PCDHA4: variants seen among roughly 807,000 people sequenced by gnomAD.
PCDHA4 encodes the protein protocadherin alpha 4.
In PCDHA4, 49 loss-of-function variants were observed where a neutral mutation model predicts 61.4. The observed-to-expected ratio is 0.80, with a 90% confidence interval of 0.63 to 1.01. The LOEUF (loss-of-function observed/expected upper bound fraction) is 1.01, where lower values mean the gene tolerates loss of function less well. Ranked by LOEUF, PCDHA4 falls within the 50% of genes least tolerant of loss-of-function variation. The pLI, the probability that PCDHA4 is intolerant of heterozygous loss-of-function variation, is 0.00. For synonymous variants in PCDHA4, 590 were observed against 550.3 expected, an observed-to-expected ratio of 1.07 and a Z score of -1.01; for missense variants, 1,254 against 1,235.8, an observed-to-expected ratio of 1.01 and a Z score of -0.22.
chr5:140,935,051 C>T (rs1554210307), intron 1 of PCDHA4, among the ~76,000 whole-genome samples: 1 of 152,096 alleles, frequency 6.6e-6, no homozygotes, highest in African/African-American at 2.4e-5. Context: ...TCTGGTATTA[C>T]AAGATGTTCA....
chr5:140,834,823 C>T, intron 1 of PCDHA4: 1 of 1,612,142 alleles, frequency 6.2e-7, no homozygotes, highest in South Asian at 1.1e-5. Flanking sequence ...GAATCCAGGC[C>T]GCTTGACTCT....
At chr5:140,883,913 G>T (rs782585121) in intron 1 of PCDHA4, 1 of 1,613,478 alleles carries the variant, frequency 6.2e-7, no homozygotes, top group South Asian at 1.1e-5. Context: ...GGGCAGCAAC[G>T]TGACGCTGCA....
At chr5:140,851,069 A>T in intron 1 of PCDHA4, 1 of 1,353,390 alleles carries the variant, frequency 7.4e-7, no homozygotes, top group Non-Finnish European at 9.7e-7. Flanking sequence ...TCTAGTGAGA[A>T]TTATAAACTG....
At chr5:140,821,890 A>G in intron 1 of PCDHA4, 7 of 1,614,240 alleles carry the variant, frequency 4.3e-6, no homozygotes, top group Non-Finnish European at 5.9e-6. Context: ...GGAGGAAGCC[A>G]AACACGGAAC....
chr5:140,998,681 C>G (rs978884535), intron 3 of PCDHA4, among the ~76,000 whole-genome samples: 42 of 152,038 alleles, frequency 2.8e-4, no homozygotes, highest in Non-Finnish European at 1.6e-4. Context: ...TCTCCTGCCT[C>G]AGCCTCCCAA....
At chr5:140,822,972 C>T (rs149152981) in intron 1 of PCDHA4, 333 of 1,614,132 alleles carry the variant, frequency 2.1e-4, no homozygotes, top group Non-Finnish European at 2.6e-4. Context: ...TGGTGTCCAC[C>T]TTCAAGAATT....
chr5:140,918,321 T>C (rs1175303192), intron 1 of PCDHA4, among the ~76,000 whole-genome samples: 2 of 152,054 alleles, frequency 1.3e-5, no homozygotes, highest in Non-Finnish European at 2.9e-5. Flanking sequence ...GGTATAAAAT[T>C]ATATTGTCTG....
chr5:140,856,653 A>G (rs2044134498), intron 1 of PCDHA4: 1 of 1,598,162 alleles, frequency 6.3e-7, no homozygotes, highest in Admixed American at 1.7e-5. Flanking sequence ...CTGGATCGTG[A>G]AGAAAATCCT....
chr5:140,927,611 C>T, intron 1 of PCDHA4: 1 of 1,614,164 alleles, frequency 6.2e-7, no homozygotes, highest in Admixed American at 1.7e-5. Context: ...GTATACCGCA[C>T]CAAGGTTCCA....
At chr5:141,000,395 CTATATATA>C (rs1190667031) in intron 3 of PCDHA4, among the ~76,000 whole-genome samples, 7 of 53,980 alleles carry the variant, frequency 1.3e-4, no homozygotes, top group South Asian at 8.9e-4. Flanking sequence ...CTCTCTCTCT[CTATATATA>C]TATATATATA....
chr5:140,836,895 A>G (rs1339036250), intron 1 of PCDHA4: 1 of 615,448 alleles, frequency 1.6e-6, no homozygotes, highest in African/African-American at 1.9e-5. Context: ...ATTTGGAAGT[A>G]CGTTTAATAT....
intron 1 of PCDHA4, chr5:140,830,111 C>T: frequency 1.2e-6 from 2 of 1,613,576 alleles, no homozygotes; most frequent in Non-Finnish European, 1.7e-6. Context: ...GGAGAGTGGC[C>T]AGGCTCCAAA....
intron 1 of PCDHA4, chr5:140,842,828 T>C (rs2150345538): frequency 1.9e-6 from 3 of 1,593,634 alleles, no homozygotes; most frequent in South Asian, 1.1e-5. Context: ...GGGCGAGCGC[T>C]CGCTGTCGAG....
intron 3 of PCDHA4, among the ~76,000 whole-genome samples, chr5:140,999,630 A>G (rs2097866462): frequency 1.3e-5 from 2 of 152,210 alleles, no homozygotes; most frequent in Non-Finnish European, 2.9e-5. Context: ...GAAACAAGGT[A>G]GAGAAAACTG....
At position 140,870,363 on chromosome 5, in the gene PCDHA4, T is replaced by C. The variant is rs782093088; in HGVS notation, c.2385+60791T>C. 1.9e-6 allele frequency: 3 copies of C among 1,614,206 alleles called. No homozygotes were observed. The South Asian group carries it at 3.3e-5, about 18-fold the overall frequency. On this transcript the variant is annotated intron_variant, in intron 1 of 3. Transcript: ENST00000530339. ...TGGACCGCGAGAACGTGTGGGCCTA[T>C]GAACTGGTGGTGACTGCGCGGGATG...
intron 1 of PCDHA4, among the ~76,000 whole-genome samples, chr5:140,917,533 T>C (rs1584058253): frequency 6.6e-6 from 1 of 152,346 alleles, no homozygotes; most frequent in East Asian, 1.9e-4. Context: ...GTTTGTATAG[T>C]TTTAGGTTTT....
At chr5:140,852,880 A>C in intron 1 of PCDHA4, 1 of 943,656 alleles carries the variant, frequency 1.1e-6, no homozygotes, top group Non-Finnish European at 1.3e-6. Context: ...ATAATCATAA[A>C]ACGTATTTTT....
chr5:140,808,151 G>A lies in PCDHA4; in HGVS notation c.964G>A (p.Gly322Ser). 6.2e-7 allele frequency: 1 copy of A among 1,614,120 alleles called. No homozygotes were observed. Among genetic ancestry groups the A allele is most frequent in the Non-Finnish European group, 8.5e-7 (1 of 1,179,946 alleles). ...ESKSYEIIVEGIDKGQLPLSG... is the reference protein window; with the variant it reads ...ESKSYEIIVESIDKGQLPLSG... Reference sequence around the variant, plus strand: ...CAAATCCTATGAAATTATTGTAGAGGGCATTGATAAGGGACAGCTCCCACT... The same window carrying A: ...CAAATCCTATGAAATTATTGTAGAGAGCATTGATAAGGGACAGCTCCCACT... Residue 322 changes from glycine to serine, a missense_variant, in exon 1 of 4, where the codon GGC (glycine) becomes AGC (serine). Transcript: ENST00000530339.
At chr5:140,927,236 T>A in intron 1 of PCDHA4, 3 of 1,614,120 alleles carry the variant, frequency 1.9e-6, no homozygotes, top group Non-Finnish European at 2.5e-6. Context: ...ATTCACGTCC[T>A]GGACACCAAT....
Sources: allele counts gnomAD v4.1 joint callset (sites outside exome capture counted in the v4.1 genomes callset), GRCh38; gene constraint gnomAD v4.1.1; transcripts MANE v1.5; gene names NCBI Gene and HGNC (gene_info 2026-07-23, HGNC 2026-07-21).